Variants in SPAG16 observed in about 807,000 individuals in gnomAD.
SPAG16 encodes sperm-associated antigen 16 protein.
SPAG16 carries 86 observed loss-of-function variants against 80.4 expected under a neutral mutation model. That is an observed-to-expected ratio of 1.07 (90% CI 0.90 to 1.28). SPAG16 has a LOEUF of 1.28. SPAG16 is among the 50% of genes most tolerant of loss of function. SPAG16 has a pLI of 0.00. For missense variants in SPAG16, 870 were observed against 765.3 expected, an observed-to-expected ratio of 1.14 and a Z score of -1.61; for synonymous variants, 294 against 265.9, an observed-to-expected ratio of 1.11 and a Z score of -1.03.
At chr2:214,276,024 A>T (rs930341066) in intron 15 of SPAG16, among the ~76,000 whole-genome samples, 2 of 152,294 alleles carry the variant, frequency 1.3e-5, no homozygotes, top group South Asian at 4.1e-4. Context: ...TTCTTGTTGA[A>T]TTGATCCCTT....
At chr2:213,444,399 G>C (rs2125543605) in intron 9 of SPAG16, among the ~76,000 whole-genome samples, 1 of 152,282 alleles carries the variant, frequency 6.6e-6, no homozygotes, top group Non-Finnish European at 1.5e-5. Context: ...ATTTGTCCTA[G>C]AGGGAATTGA....
At chr2:213,487,635 T>C (rs1041138663) in intron 9 of SPAG16, among the ~76,000 whole-genome samples, 2 of 152,136 alleles carry the variant, frequency 1.3e-5, no homozygotes, top group Non-Finnish European at 2.9e-5. Context: ...GTTATCATTA[T>C]ATTTTACTAT....
intron 5 of SPAG16, among the ~76,000 whole-genome samples, chr2:213,334,615 C>G (rs1481677161): frequency 2.0e-5 from 3 of 152,170 alleles, no homozygotes; most frequent in African/African-American, 7.2e-5. Context: ...TAATGGAGAA[C>G]TGTTCAACCG....
chr2:213,339,994 A>G (rs1366175025), intron 5 of SPAG16, among the ~76,000 whole-genome samples, 169 bp from the exon 6 acceptor site: 1 of 152,172 alleles, frequency 6.6e-6, no homozygotes, highest in Non-Finnish European at 1.5e-5. Context: ...CATACCTAAT[A>G]TGACCTTATA....
intron 15 of SPAG16, among the ~76,000 whole-genome samples, chr2:214,210,247 G>GA (rs2058255035): frequency 6.6e-6 from 1 of 151,230 alleles, no homozygotes. Flanking sequence ...ATTGACCCTC[G>GA]AACATGTTTG....
At chr2:213,539,652 C>G (rs1317462931) in intron 10 of SPAG16, among the ~76,000 whole-genome samples, 2 of 152,190 alleles carry the variant, frequency 1.3e-5, no homozygotes, top group African/African-American at 4.8e-5. Context: ...TAGTGCTTCA[C>G]TGTGTTACAA....
intron 15 of SPAG16, among the ~76,000 whole-genome samples, chr2:214,357,977 C>T (rs1391342558): frequency 6.6e-6 from 1 of 151,880 alleles, no homozygotes; most frequent in Non-Finnish European, 1.5e-5. Context: ...TAACAATTTT[C>T]CTGGATTTTA....
chr2:213,819,020 G>A (rs1388922202), intron 10 of SPAG16, among the ~76,000 whole-genome samples: 1 of 152,144 alleles, frequency 6.6e-6, no homozygotes, highest in Admixed American at 6.6e-5. Flanking sequence ...TATTAAAAGT[G>A]TACATTCATT....
intron 15 of SPAG16, among the ~76,000 whole-genome samples, chr2:214,298,864 A>G (rs560853105): frequency 6.6e-6 from 1 of 152,282 alleles, no homozygotes; most frequent in African/African-American, 2.4e-5. Context: ...CCATGGTGTG[A>G]GTCAGGATTA....
chr2:213,806,156 G>T (rs1030981682), intron 10 of SPAG16, among the ~76,000 whole-genome samples: 1 of 152,098 alleles, frequency 6.6e-6, no homozygotes, highest in Non-Finnish European at 1.5e-5. Context: ...ATACTAGAGA[G>T]CATCATCCCA....
At chr2:214,212,486 A>G (rs1378682842) in intron 15 of SPAG16, among the ~76,000 whole-genome samples, 2 of 152,052 alleles carry the variant, frequency 1.3e-5, no homozygotes, top group Non-Finnish European at 2.9e-5. Flanking sequence ...CACGGGTTAC[A>G]TGTCCATTGT....
rs2071874346 is a variant in SPAG16, at chr2:213,807,955, A to G, written c.1071-54530A>G. Among the ~76,000 whole-genome samples, 3 of 152,222 alleles carry G rather than the reference A, an allele frequency of 2.0e-5. No individual in the cohort carries two copies. In the South Asian group the frequency reaches 6.2e-4, roughly 31 times the overall value. On this transcript the variant is annotated intron_variant, in intron 10 of 15. Transcript: ENST00000331683. Reference sequence around the variant, plus strand: ...TTTCACCTAGCTAGTGACCTATGATAGGCCTTGGTGCCAAATATTCTGCCC... The same window carrying G: ...TTTCACCTAGCTAGTGACCTATGATGGGCCTTGGTGCCAAATATTCTGCCC...
At chr2:214,386,410 GA>G (rs1700755222) in intron 15 of SPAG16, among the ~76,000 whole-genome samples, 1 of 151,802 alleles carries the variant, frequency 6.6e-6, no homozygotes, top group South Asian at 2.1e-4. Flanking sequence ...AGAGAAAAAA[GA>G]AAAAAGCAAA....
At chr2:214,050,585 T>C (rs1176534354) in intron 13 of SPAG16, among the ~76,000 whole-genome samples, 1 of 152,178 alleles carries the variant, frequency 6.6e-6, no homozygotes, top group Non-Finnish European at 1.5e-5. Flanking sequence ...TTAAGTCTCA[T>C]AGAAAATTAG....
chr2:214,139,476 G>C (rs990282096), intron 14 of SPAG16, among the ~76,000 whole-genome samples: 4 of 151,350 alleles, frequency 2.6e-5, no homozygotes, highest in African/African-American at 7.3e-5. Context: ...CTTTAATTTT[G>C]CTTCTCATTC....
At chr2:214,290,889 G>T (rs1693744693) in intron 15 of SPAG16, among the ~76,000 whole-genome samples, 1 of 152,080 alleles carries the variant, frequency 6.6e-6, no homozygotes, top group African/African-American at 2.4e-5. Flanking sequence ...ATGTCTGTTA[G>T]GTCTATTTGG....
At chr2:213,459,742 G>T (rs186616275) in intron 9 of SPAG16, among the ~76,000 whole-genome samples, 2 of 152,312 alleles carry the variant, frequency 1.3e-5, no homozygotes, top group African/African-American at 2.4e-5. Flanking sequence ...TATTCTCTTG[G>T]ATTGTGAATC....
chr2:214,063,932 A>T (rs1263386098), intron 13 of SPAG16, among the ~76,000 whole-genome samples: 1 of 151,484 alleles, frequency 6.6e-6, no homozygotes, highest in Non-Finnish European at 1.5e-5. Context: ...TATACTCCCA[A>T]CTTCTCATAA....
intron 10 of SPAG16, among the ~76,000 whole-genome samples, chr2:213,711,412 G>A (rs573741674): frequency 3.9e-5 from 6 of 152,040 alleles, no homozygotes; most frequent in Admixed American, 3.3e-4. Flanking sequence ...CTCATTTCCT[G>A]TGACCCTGAC....
Sources: allele counts gnomAD v4.1 joint callset (sites outside exome capture counted in the v4.1 genomes callset), GRCh38; gene constraint gnomAD v4.1.1; transcripts MANE v1.5; gene names NCBI Gene and HGNC (gene_info 2026-07-23, HGNC 2026-07-21).